Variants in TOX observed in about 807,000 individuals in gnomAD.
The protein encoded by TOX is thymocyte selection associated high mobility group box.
In TOX, 11 loss-of-function variants were observed where a neutral mutation model predicts 53.7. The observed-to-expected ratio is 0.20, with a 90% CI of 0.13 to 0.34. The LOEUF (loss-of-function observed/expected upper bound fraction) is 0.34, where lower values mean the gene tolerates loss of function less well. TOX is among the 10% of genes least tolerant of loss of function. The probability of loss-of-function intolerance (pLI) is 1.00; values close to 1 mark genes in which losing one functional copy is unlikely to be tolerated. For synonymous variants in TOX, 225 were observed against 245.3 expected, an observed-to-expected ratio of 0.92 and a Z score of 0.77; for missense variants, 570 against 664.6, an observed-to-expected ratio of 0.86 and a Z score of 1.56.
intron 1 of TOX, among the ~76,000 whole-genome samples, chr8:58,988,872 T>C (rs978032231): frequency 6.6e-6 from 1 of 152,156 alleles, no homozygotes; most frequent in African/African-American, 2.4e-5. Flanking sequence ...TCTGCAACTG[T>C]GAGACTTGGA....
chr8:59,037,368 T>C (rs1260393522), intron 1 of TOX, among the ~76,000 whole-genome samples: 1 of 152,162 alleles, frequency 6.6e-6, no homozygotes, highest in Non-Finnish European at 1.5e-5. Flanking sequence ...CCTGGTAAAA[T>C]TCAAAGTAGA....
chr8:59,081,861 C>A (rs1804414649), intron 1 of TOX, among the ~76,000 whole-genome samples: 1 of 152,142 alleles, frequency 6.6e-6, no homozygotes, highest in South Asian at 2.1e-4. Context: ...TCGAATACTG[C>A]ACGGCAGACT....
rs777685556 is a variant in TOX at position 59,064,526 on chromosome 8, C to T, written c.102+54360G>A. ...TGCCAGCATTTCTATGAATAAAATGCGTTAGCATATAATTCTAGAAATCTA... is the reference window on the plus strand; with the variant it reads ...TGCCAGCATTTCTATGAATAAAATGTGTTAGCATATAATTCTAGAAATCTA... On this transcript the variant is annotated intron_variant, in intron 1 of 8. Coordinates refer to ENST00000361421, the MANE Select transcript of TOX (RefSeq NM_014729.3). Among the ~76,000 whole-genome samples, 12 of 152,156 alleles carry T rather than the reference C, an allele frequency of 7.9e-5. No individual in the cohort carries two copies. The South Asian group carries it at 1.5e-3, about 18-fold the overall frequency.
intron 1 of TOX, among the ~76,000 whole-genome samples, chr8:59,104,130 T>A (rs1008131308): frequency 6.6e-6 from 1 of 152,246 alleles, no homozygotes; most frequent in Non-Finnish European, 1.5e-5. Flanking sequence ...AAGTCCTCTC[T>A]GGCACATTGT....
At chr8:58,960,587 A>C (rs1812782514) in intron 1 of TOX, among the ~76,000 whole-genome samples, 1 of 152,238 alleles carries the variant, frequency 6.6e-6, no homozygotes, top group South Asian at 2.1e-4. Flanking sequence ...TAATAACAAT[A>C]AAAATACACA....
chr8:59,092,346 T>G (rs1804637409), intron 1 of TOX, among the ~76,000 whole-genome samples: 1 of 134,370 alleles, frequency 7.4e-6, no homozygotes, highest in East Asian at 2.0e-4. Context: ...TATATATACA[T>G]TATATATATT....
At chr8:59,093,762 A>G (rs984312459) in intron 1 of TOX, among the ~76,000 whole-genome samples, 1 of 152,214 alleles carries the variant, frequency 6.6e-6, no homozygotes, top group Non-Finnish European at 1.5e-5. Context: ...TTGATTGTTG[A>G]GCTATAAATC....
In TOX at chr8:58,998,517, A is replaced by AAATT. The variant is rs1563413363; in HGVS notation, c.103-38510_103-38509insAATT. On this transcript the variant is annotated intron_variant, in intron 1 of 8. Coordinates refer to ENST00000361421, the MANE Select transcript of TOX (RefSeq NM_014729.3). ...AGTATATATATATATATATATATATATATATATATATATATATATATAAAT... is the reference window on the plus strand; with the variant it reads ...AGTATATATATATATATATATATATAAATTTATATATATATATATATATATAAAT... Among the ~76,000 whole-genome samples the AAATT allele has an allele frequency of 8.2e-4, 100 of 121,408 alleles. 3 individuals carry two copies. The South Asian group carries it at 0.012, about 14-fold the overall frequency. 79.6% of individuals were successfully genotyped at this position (121,408 alleles called of 152,430 possible). A position where few individuals can be genotyped will look rare whatever the true frequency, so the allele number is the denominator to read the frequency against.
rs563184375 is a variant in TOX, at chr8:58,879,587, A to C, written c.412-27782T>G. Among the ~76,000 whole-genome samples, 106 of 152,352 alleles carry C rather than the reference A, an allele frequency of 7.0e-4. 1 individual carries two copies. Among genetic ancestry groups the C allele is most frequent in the Admixed American group, 2.9e-3 (45 of 15,306 alleles). Reference sequence around the variant, plus strand: ...AAATGAAAAAAAATATGCCAAGAGCACTGAGCCATGTAATCTAGCCATCTA... The same window carrying C: ...AAATGAAAAAAAATATGCCAAGAGCCCTGAGCCATGTAATCTAGCCATCTA... On this transcript the variant is annotated intron_variant, in intron 3 of 8. Transcript: ENST00000361421.
chr8:58,912,237 T>C (rs1432112049), intron 3 of TOX, among the ~76,000 whole-genome samples: 1 of 152,270 alleles, frequency 6.6e-6, no homozygotes, highest in Non-Finnish European at 1.5e-5. Context: ...ACTCCTTTTA[T>C]GGATTTAAAT....
Position 58,965,894 on chromosome 8 carries a change from G to GCTT in TOX, c.103-5887_103-5886insAAG, listed in dbSNP as rs1374766431. On this transcript the variant is annotated intron_variant, in intron 1 of 8. Transcript: ENST00000361421. ...GCCCAGTATAAGATTACGAGTCATC[G>GCTT]TTTTTTTTTTTTTTTTTTTTTTTTT... Among the ~76,000 whole-genome samples, 69 of 49,626 alleles carry GCTT rather than the reference G, an allele frequency of 1.4e-3. 1 individual carries two copies. Among genetic ancestry groups the GCTT allele is most frequent in the African/African-American group, 4.8e-3 (63 of 13,048 alleles). The allele number at this position is 49,626 out of a possible 152,430, so 32.6% of individuals were successfully genotyped here. A position where few individuals can be genotyped will look rare whatever the true frequency, so the allele number is the denominator to read the frequency against.
At chr8:59,103,165 A>G (rs565317663) in intron 1 of TOX, among the ~76,000 whole-genome samples, 18 of 152,220 alleles carry the variant, frequency 1.2e-4, no homozygotes, top group African/African-American at 4.3e-4. Flanking sequence ...CAACTATTGA[A>G]CCCTAACTGA....
chr8:58,838,304 C>T lies in TOX; in HGVS notation c.701G>A (p.Gly234Asp). Residue 234 changes from glycine to aspartate, a missense_variant, in exon 5 of 9, where the codon GGT becomes GAT. Physicochemically the swap from Gly to Asp is moderately conservative, Grantham distance 94. Coordinates refer to ENST00000361421, the MANE Select transcript of TOX (RefSeq NM_014729.3). ...ATCAGAGGCAGGCCGCTTCTCTCCA[C>T]CATTGATCTGAAAGAGAAATCAAAA... ...DEGDDTSKIN[G>D]GEKRPASDMG... The T allele has an allele frequency of 3.7e-6, 6 of 1,612,210 alleles. No individual in the cohort carries two copies. The highest frequency in any genetic ancestry group is 4.2e-6 in the Non-Finnish European group (5 of 1,179,266).
intron 1 of TOX, among the ~76,000 whole-genome samples, chr8:58,997,721 A>G (rs1000364938): frequency 1.3e-5 from 2 of 152,256 alleles, no homozygotes; most frequent in African/African-American, 2.4e-5. Flanking sequence ...TTGCCTCTCC[A>G]TAAAGAATAC....
rs371351867 is a variant in TOX, at chr8:58,980,782, C to T, written c.103-20774G>A. Among the ~76,000 whole-genome samples the T allele has an allele frequency of 2.0e-3, 309 of 152,254 alleles. 1 individual carries two copies. The highest frequency in any genetic ancestry group is 7.1e-3 in the African/African-American group (294 of 41,540). On this transcript the variant is annotated intron_variant, in intron 1 of 8. Coordinates refer to ENST00000361421, the MANE Select transcript of TOX (RefSeq NM_014729.3). ...TCCTAATTCTAAATAAAACTTAAACCTTTTTTGAAGGTGTTTCCACCTTTC... is the reference window on the plus strand; with the variant it reads ...TCCTAATTCTAAATAAAACTTAAACTTTTTTTGAAGGTGTTTCCACCTTTC...
At chr8:58,972,365 A>C (rs1364600866) in intron 1 of TOX, among the ~76,000 whole-genome samples, 4 of 152,204 alleles carry the variant, frequency 2.6e-5, no homozygotes, top group Non-Finnish European at 5.9e-5. Flanking sequence ...CTCTTCTCTT[A>C]ATTCATACAG....
intron 1 of TOX, among the ~76,000 whole-genome samples, chr8:58,978,742 C>T (rs1437000340): frequency 6.6e-6 from 1 of 152,200 alleles, no homozygotes; most frequent in Non-Finnish European, 1.5e-5. Context: ...ACATCATTAT[C>T]ACCCACAGTC....
chr8:58,940,504 T>C (rs1307068609), intron 2 of TOX, among the ~76,000 whole-genome samples: 1 of 152,152 alleles, frequency 6.6e-6, no homozygotes, highest in Non-Finnish European at 1.5e-5. Flanking sequence ...CAATTAATAT[T>C]AAATACACAG....
chr8:58,988,474 T>C (rs1347235586), intron 1 of TOX, among the ~76,000 whole-genome samples: 2 of 152,132 alleles, frequency 1.3e-5, no homozygotes, highest in East Asian at 3.9e-4. Flanking sequence ...AGTCGGTCCT[T>C]TACAGGAAAA....
Sources: gnomAD v4.1 joint callset for allele counts (sites outside exome capture counted in the v4.1 genomes callset) on GRCh38, gnomAD v4.1.1 for gene constraint, MANE v1.5 for transcripts, NCBI Gene and HGNC (gene_info 2026-07-23, HGNC 2026-07-21) for gene names.